The following TMEM117 variants were observed in gnomAD, a reference collection of about 807,000 sequenced individuals.
TMEM117 encodes transmembrane protein 117.
A neutral mutation model predicts 52.4 loss-of-function variants in TMEM117; 27 were observed. That is an observed-to-expected ratio of 0.51 (90% CI 0.38 to 0.71). The LOEUF (loss-of-function observed/expected upper bound fraction) is 0.71, where lower values mean the gene tolerates loss of function less well. TMEM117 is among the 30% of genes least tolerant of loss of function. TMEM117 has a pLI of 0.00. For missense variants in TMEM117, 556 were observed against 630.5 expected (o/e 0.88, Z 1.26); for synonymous variants, 215 against 206.3 (o/e 1.04, Z -0.36).
Position 43,863,260 on chromosome 12 carries a change from CAACA to C in TMEM117, c.277+18355_277+18358del, listed in dbSNP as rs552729456. Among the ~76,000 whole-genome samples the C allele has an allele frequency of 7.3e-3, 653 of 89,072 alleles. 4 individuals are homozygous for C. Among genetic ancestry groups the C allele is most frequent in the African/African-American group, 0.019 (585 of 31,164 alleles). 58.4% of individuals were successfully genotyped at this position (89,072 alleles called of 152,430 possible). On this transcript the variant is annotated intron_variant, in intron 2 of 7. Transcript: ENST00000266534. ...AACTCTGTCTCAAAAACAGCAACAA[CAACA>C]AACAAACAAACAAACAAACAAAACT...
the TMEM117 span, among the ~76,000 whole-genome samples, chr12:43,826,381 C>G: frequency 4.6e-5 from 7 of 152,190 alleles, no homozygotes; most frequent in Admixed American, 2.0e-4. Context: ...CAGCTCAGTA[C>G]CCCCTGAGGC....
At chr12:44,277,722 A>G (rs952684562) in intron 5 of TMEM117, among the ~76,000 whole-genome samples, 10 of 140,106 alleles carry the variant, frequency 7.1e-5, no homozygotes, top group African/African-American at 2.7e-4. Context: ...CTTCCCTCCC[A>G]TGCTGCATCT....
At chr12:43,989,488 C>T (rs1214382296) in intron 3 of TMEM117, among the ~76,000 whole-genome samples, 1 of 151,930 alleles carries the variant, frequency 6.6e-6, no homozygotes, top group Non-Finnish European at 1.5e-5. Context: ...ATAATTTGTT[C>T]TACCCGTGGC....
intron 6 of TMEM117, among the ~76,000 whole-genome samples, chr12:44,363,191 G>C (rs1467132721): frequency 6.6e-6 from 1 of 152,184 alleles, no homozygotes; most frequent in Non-Finnish European, 1.5e-5. Flanking sequence ...CAGTGGGTAA[G>C]GCAGGTGCCT....
At chr12:43,862,669 C>T (rs1284259556) in intron 2 of TMEM117, among the ~76,000 whole-genome samples, 1 of 152,084 alleles carries the variant, frequency 6.6e-6, no homozygotes, top group Non-Finnish European at 1.5e-5. Context: ...ACAGAAAATG[C>T]CTGGGGTGGA....
chr12:44,347,138 C>G (rs10506246), intron 6 of TMEM117, among the ~76,000 whole-genome samples: 1 of 151,840 alleles, frequency 6.6e-6, no homozygotes, highest in Non-Finnish European at 1.5e-5. Context: ...TTGTCTAATC[C>G]TCCACTTAAA....
chr12:44,177,536 A>G (rs1565861448), intron 4 of TMEM117, among the ~76,000 whole-genome samples: 1 of 152,150 alleles, frequency 6.6e-6, no homozygotes. Flanking sequence ...TTCAAAATTC[A>G]GTTAATGGTG....
At chr12:44,246,873 G>A (rs1950137368) in intron 5 of TMEM117, among the ~76,000 whole-genome samples, 1 of 152,164 alleles carries the variant, frequency 6.6e-6, no homozygotes, top group African/African-American at 2.4e-5. Flanking sequence ...ACCTTCCAGT[G>A]AGCCGATGCT....
intron 2 of TMEM117, among the ~76,000 whole-genome samples, chr12:43,932,340 T>G (rs564292894): frequency 6.6e-6 from 1 of 151,632 alleles, no homozygotes; most frequent in South Asian, 2.1e-4. Context: ...AAATAAGTTT[T>G]TTTTTTTTTT....
intron 5 of TMEM117, among the ~76,000 whole-genome samples, chr12:44,297,151 T>G (rs1950779421): frequency 6.6e-6 from 1 of 152,154 alleles, no homozygotes; most frequent in South Asian, 2.1e-4. Flanking sequence ...CTAGATGAGG[T>G]TTCTAATTTC....
chr12:44,205,674 C>T (rs1256158883), intron 4 of TMEM117, among the ~76,000 whole-genome samples: 3 of 152,100 alleles, frequency 2.0e-5, no homozygotes, highest in African/African-American at 7.2e-5. Flanking sequence ...AGCTCAACAT[C>T]ACTAATCATT....
chr12:44,192,704 A>C (rs1382618807), intron 4 of TMEM117, among the ~76,000 whole-genome samples: 1 of 152,242 alleles, frequency 6.6e-6, no homozygotes, highest in Non-Finnish European at 1.5e-5. Context: ...TGAAATACAC[A>C]CAGAATCCAT....
chr12:44,321,184 T>C (rs1358988109), intron 6 of TMEM117, among the ~76,000 whole-genome samples: 1 of 152,224 alleles, frequency 6.6e-6, no homozygotes, highest in Non-Finnish European at 1.5e-5. Context: ...TTAAATTTAC[T>C]GTAAGCTGTA....
intron 6 of TMEM117, among the ~76,000 whole-genome samples, chr12:44,323,684 T>C (rs1434692135): frequency 6.6e-6 from 1 of 152,208 alleles, no homozygotes; most frequent in Non-Finnish European, 1.5e-5. Context: ...ATGTGCTTTC[T>C]TTAAGTATGT....
intron 6 of TMEM117, among the ~76,000 whole-genome samples, chr12:44,305,016 G>T (rs1394403084): frequency 6.6e-6 from 1 of 152,148 alleles, no homozygotes; most frequent in African/African-American, 2.4e-5. Context: ...GGCTCCTGAG[G>T]TTCCTGACTC....
At chr12:44,008,866 G>T in intron 3 of TMEM117, 1 of 427,966 alleles carries the variant, frequency 2.3e-6, no homozygotes, top group Non-Finnish European at 4.6e-6. Flanking sequence ...CATGACTAAA[G>T]CATTTCCCGC....
chr12:43,954,355 A>C (rs950813286), intron 3 of TMEM117, among the ~76,000 whole-genome samples: 1 of 152,148 alleles, frequency 6.6e-6, no homozygotes, highest in Non-Finnish European at 1.5e-5. Context: ...AAAATCAATG[A>C]ATCCAGGAGC....
chr12:44,043,975 A>C, intron 3 of TMEM117, among the ~76,000 whole-genome samples: 1 of 152,154 alleles, frequency 6.6e-6, no homozygotes. Context: ...TTACTTTGTT[A>C]GCTGAAAAGA....
At chr12:44,243,274 G>A (rs965320962) in intron 5 of TMEM117, among the ~76,000 whole-genome samples, 7 of 151,704 alleles carry the variant, frequency 4.6e-5, no homozygotes, top group South Asian at 2.1e-4. Context: ...TTCAATGATA[G>A]CATTATCAGA....
Sources: gnomAD v4.1 joint callset for allele counts (sites outside exome capture counted in the v4.1 genomes callset) on GRCh38, gnomAD v4.1.1 for gene constraint, MANE v1.5 for transcripts, NCBI Gene and HGNC (gene_info 2026-07-23, HGNC 2026-07-21) for gene names.